Variants in DNAJC16 observed in about 807,000 individuals in gnomAD.
DNAJC16 encodes the protein DnaJ heat shock protein family (Hsp40) member C16.
In DNAJC16, 76 loss-of-function variants were observed where a neutral mutation model predicts 92.7. The ratio of observed to expected loss-of-function variants is 0.82; its 90% confidence interval spans 0.68 to 0.99. The LOEUF (loss-of-function observed/expected upper bound fraction) is 0.99, where lower values mean the gene tolerates loss of function less well. DNAJC16 is among the 50% of genes least tolerant of loss of function. The pLI, the probability that DNAJC16 is intolerant of heterozygous loss-of-function variation, is 0.00. For synonymous variants in DNAJC16, 328 were observed against 358.7 expected, an observed-to-expected ratio of 0.91 and a Z score of 0.97; for missense variants, 869 against 942.4, an observed-to-expected ratio of 0.92 and a Z score of 1.02.
intron 11 of DNAJC16, 80 bp downstream of exon 11, chr1:15,564,439 T>C (rs1638764528): frequency 7.3e-6 from 7 of 962,270 alleles, no homozygotes; most frequent in Admixed American, 1.7e-5. Context: ...GAGTTCATCA[T>C]TATTAAATTT....
intron 14 of DNAJC16, 49 bp downstream of exon 14, chr1:15,567,318 G>A: frequency 1.3e-6 from 2 of 1,552,714 alleles, no homozygotes; most frequent in Non-Finnish European, 8.8e-7. Context: ...GAGAGAGAGA[G>A]GCAGGCACAC....
chr1:15,541,880 A>G (rs1323465251), intron 4 of DNAJC16, among the ~76,000 whole-genome samples: 1 of 152,172 alleles, frequency 6.6e-6, no homozygotes, highest in Non-Finnish European at 1.5e-5. Flanking sequence ...CCTGATCAAT[A>G]GGGGTGCTAA....
intron 7 of DNAJC16, among the ~76,000 whole-genome samples, chr1:15,557,364 C>T (rs1638590758): frequency 6.6e-6 from 1 of 152,144 alleles, no homozygotes; most frequent in Non-Finnish European, 1.5e-5. Context: ...TTCTTGTCAT[C>T]TTTGAGAATG....
At chr1:15,560,120 T>C (rs1638659176) in intron 8 of DNAJC16, 1 of 149,628 alleles carries the variant, frequency 6.7e-6, no homozygotes, top group Non-Finnish European at 1.5e-5. Flanking sequence ...CATACTAATA[T>C]GATGTATTAG....
intron 4 of DNAJC16, among the ~76,000 whole-genome samples, chr1:15,539,625 A>G (rs967001186): frequency 1.3e-5 from 2 of 151,446 alleles, no homozygotes; most frequent in Admixed American, 6.6e-5. Flanking sequence ...GCTCACTGCA[A>G]CCTCAACCTC....
intron 6 of DNAJC16, among the ~76,000 whole-genome samples, chr1:15,547,541 C>T (rs905745202): frequency 3.3e-5 from 5 of 151,464 alleles, no homozygotes; most frequent in Non-Finnish European, 7.4e-5. Flanking sequence ...CTACCGGGTT[C>T]AAGCAATTCT....
At chr1:15,563,242 T>C (rs1055552330) in intron 9 of DNAJC16, among the ~76,000 whole-genome samples, 1 of 151,948 alleles carries the variant, frequency 6.6e-6, no homozygotes, top group South Asian at 2.1e-4. Flanking sequence ...AAAAGTTATT[T>C]CTTAGGCCGA....
intron 7 of DNAJC16, among the ~76,000 whole-genome samples, chr1:15,549,890 G>T (rs1338241618): frequency 6.6e-6 from 1 of 150,634 alleles, no homozygotes; most frequent in African/African-American, 2.4e-5. Flanking sequence ...ACAGTATATT[G>T]TTAGAATTGT....
chr1:15,531,219 T>C lies in DNAJC16; in HGVS notation c.167+1947T>C, dbSNP rs571372265. On this transcript the variant is annotated intron_variant, in intron 2 of 14. Coordinates refer to ENST00000375847, the MANE Select transcript of DNAJC16 (RefSeq NM_015291.4). The stretch of plus-strand genomic sequence containing the variant: ...AAAACTGCCACATTGAGGTGATGCA[T>C]GGTACAGACTGCATGCGTGACTGCG... Among the ~76,000 whole-genome samples the C allele has an allele frequency of 2.0e-5, 3 of 151,828 alleles. No individual in the cohort carries two copies. In the South Asian group the frequency reaches 6.2e-4, roughly 31 times the overall value.
chr1:15,540,583 A>G (rs1416868547), intron 4 of DNAJC16, among the ~76,000 whole-genome samples: 1 of 151,968 alleles, frequency 6.6e-6, no homozygotes, highest in East Asian at 1.9e-4. Flanking sequence ...CAGTTTTCTT[A>G]TAGGTAAAAT....
Position 15,569,306 on chromosome 1 carries a change from A to G in DNAJC16, c.*1129A>G, listed in dbSNP as rs1314024012. The G allele has an allele frequency of 6.6e-6, 1 of 152,216 alleles. No individual in the cohort carries two copies. Among genetic ancestry groups the G allele is most frequent in the African/African-American group, 2.4e-5 (1 of 41,450 alleles). The allele number at this position is 152,216 out of a possible 1,614,324, so 9.4% of individuals were successfully genotyped here. ...ATTTGTTCTAGACTCCCATTTTGCAAAAGGCTTACTTTCCACTTCTGGGCT... is the reference window on the plus strand; with the variant it reads ...ATTTGTTCTAGACTCCCATTTTGCAGAAGGCTTACTTTCCACTTCTGGGCT... On this transcript the variant is annotated 3_prime_UTR_variant, in exon 15 of 15. Transcript: ENST00000375847.
intron 2 of DNAJC16, among the ~76,000 whole-genome samples, chr1:15,532,663 C>G (rs531547305): frequency 2.0e-5 from 3 of 151,628 alleles, no homozygotes; most frequent in African/African-American, 7.3e-5. Flanking sequence ...AGTCGTCAGC[C>G]TGATGGTTTG....
intron 5 of DNAJC16, 62 bp downstream of exon 5, chr1:15,544,645 A>G (rs938640372): frequency 2.6e-6 from 4 of 1,533,718 alleles, no homozygotes; most frequent in Non-Finnish European, 3.6e-6. Context: ...AGGACTGTTA[A>G]TTGCCCAGAA....
At chr1:15,552,629 TTTTTA>T (rs1029722794) in intron 7 of DNAJC16, among the ~76,000 whole-genome samples, 1 of 152,042 alleles carries the variant, frequency 6.6e-6, no homozygotes, top group Non-Finnish European at 1.5e-5. Context: ...TTTCTTCTTT[TTTTTA>T]TTTTAATTTT....
In DNAJC16 at chr1:15,556,995, T is replaced by C. The variant is rs535178707; in HGVS notation, c.1024-2531T>C. Among the ~76,000 whole-genome samples, 4 of 152,378 alleles carry C rather than the reference T, an allele frequency of 2.6e-5. No homozygotes were observed. The East Asian group carries it at 7.7e-4, about 29-fold the overall frequency. On this transcript the variant is annotated intron_variant, in intron 7 of 14. Transcript: ENST00000375847. The stretch of plus-strand genomic sequence containing the variant: ...ATTGTGCTAACTCATATTAATTCAT[T>C]CTCTAATGTTAAACCTAACTTGCAC...
At chr1:15,559,403 G>T in intron 7 of DNAJC16, 123 bp from the exon 8 acceptor site, 1 of 1,335,008 alleles carries the variant, frequency 7.5e-7, no homozygotes, top group South Asian at 1.4e-5. Context: ...GGTCTGTCTT[G>T]TTTGGTTATA....
In DNAJC16 at chr1:15,541,497, C is replaced by T. The variant is rs565402965; in HGVS notation, c.575-2902C>T. ...CTCTGTATCTGTAAAATGAGGGAAG[C>T]GGACTATACAATTCCTAAGGCTCCT... On this transcript the variant is annotated intron_variant, in intron 4 of 14. Coordinates refer to ENST00000375847, the MANE Select transcript of DNAJC16 (RefSeq NM_015291.4). Among the ~76,000 whole-genome samples, 13 of 152,240 alleles carry T rather than the reference C, an allele frequency of 8.5e-5. No homozygotes were observed. The South Asian group carries it at 1.0e-3, about 12-fold the overall frequency.
chr1:15,527,936 C>A (rs1710558536), intron 1 of DNAJC16, among the ~76,000 whole-genome samples: 2 of 152,186 alleles, frequency 1.3e-5, no homozygotes, highest in African/African-American at 4.8e-5. Context: ...GTATAAATAT[C>A]TGCAGTTCCA....
At chr1:15,564,380 A>T (rs1638762996) in intron 11 of DNAJC16, 21 bp downstream of exon 11, 1 of 1,502,482 alleles carries the variant, frequency 6.7e-7, no homozygotes, top group African/African-American at 1.4e-5. Context: ...TGCCAGGCTG[A>T]ATTTCTTTTT....
Sources: allele counts gnomAD v4.1 joint callset (sites outside exome capture counted in the v4.1 genomes callset), GRCh38; gene constraint gnomAD v4.1.1; transcripts MANE v1.5; gene names NCBI Gene and HGNC (gene_info 2026-07-23, HGNC 2026-07-21).